KIT: variants seen among roughly 807,000 people sequenced by gnomAD.
The protein encoded by KIT is mast/stem cell growth factor receptor Kit.
In KIT, 16 loss-of-function variants were observed where a neutral mutation model predicts 105.7. The ratio of observed to expected loss-of-function variants is 0.15; its 90% CI spans 0.10 to 0.23. The LOEUF (loss-of-function observed/expected upper bound fraction) is 0.23, where lower values mean the gene tolerates loss of function less well. Ranked by LOEUF, KIT falls within the 10% of genes least tolerant of loss-of-function variation. KIT has a pLI of 1.00. For synonymous variants in KIT, 438 were observed against 441.1 expected (o/e 0.99, Z 0.09); for missense variants, 858 against 1,213.8 (o/e 0.71, Z 4.36).
In KIT at chr4:54,699,686, G is replaced by A; in HGVS notation, c.676G>A (p.Gly226Arg). Residue 226 changes from glycine to arginine, a missense_variant, in exon 4 of 21, where the codon GGG (glycine) becomes AGG (arginine). Gly to Arg is a moderately radical substitution (Grantham distance 125). Coordinates refer to ENST00000288135, the MANE Select transcript of KIT (RefSeq NM_000222.3). ...CAAAGCAAGCTATCTTCTTAGGGAAGGGGAAGAATTCACAGTGACGTGCAC... is the reference window on the plus strand; with the variant it reads ...CAAAGCAAGCTATCTTCTTAGGGAAAGGGAAGAATTCACAGTGACGTGCAC... ...VSKASYLLRE[G>R]EEFTVTCTIK... is the part of the protein sequence containing the mutation. 1 of 1,613,934 alleles carries A rather than the reference G, an allele frequency of 6.2e-7. No individual in the cohort carries two copies. Among genetic ancestry groups the A allele is most frequent in the Non-Finnish European group, 8.5e-7 (1 of 1,179,876 alleles).
Position 54,695,473 on chromosome 4 carries a change from A to G in KIT, c.68-39A>G, listed in dbSNP as rs377280220. On this transcript the variant is annotated intron_variant, in intron 1 of 20. Transcript: ENST00000288135. Reference sequence around the variant, plus strand: ...AAGAAGTGCTTTATTTCGCCAAGGAAGAAGATCATACTCAACACGATTCTG... The same window carrying G: ...AAGAAGTGCTTTATTTCGCCAAGGAGGAAGATCATACTCAACACGATTCTG... 1.1e-4 allele frequency: 182 copies of G among 1,612,226 alleles called. No homozygotes were observed. In the African/African-American group the frequency reaches 1.9e-3, roughly 17 times the overall value.
intron 15 of KIT, 138 bp downstream of exon 15, chr4:54,731,557 T>C: frequency 5.3e-6 from 4 of 758,692 alleles, no homozygotes; most frequent in Non-Finnish European, 7.0e-6. Context: ...CAATGGTCAA[T>C]GGCAGTTAGG....
rs1167415765 is a variant in KIT at position 54,720,315 on chromosome 4, T to C, written c.1232-3269T>C. Among the ~76,000 whole-genome samples, 7 of 152,276 alleles carry C rather than the reference T, an allele frequency of 4.6e-5. No homozygotes were observed. In the East Asian group the frequency reaches 7.7e-4, roughly 17 times the overall value. Reference sequence around the variant, plus strand: ...CAAAAGCTGCTCAATTAGCCTCAGGTTATGACCCACCTGGGATAGAAACTT... The same window carrying C: ...CAAAAGCTGCTCAATTAGCCTCAGGCTATGACCCACCTGGGATAGAAACTT... On this transcript the variant is annotated intron_variant, in intron 7 of 20. Transcript: ENST00000288135.
In KIT at chr4:54,739,445, T is replaced by C. The variant is rs188598702; in HGVS notation, c.*888T>C. 748 of 233,396 alleles carry C rather than the reference T, an allele frequency of 3.2e-3. 2 individuals carry two copies. Among genetic ancestry groups the C allele is most frequent in the Admixed American group, 6.5e-3 (116 of 17,782 alleles). The allele number at this position is 233,396 out of a possible 1,614,324, so 14.5% of individuals were successfully genotyped here. On this transcript the variant is annotated 3_prime_UTR_variant, in exon 21 of 21. Transcript: ENST00000288135. Reference sequence around the variant, plus strand: ...TCTCCTCTTTTAGCTGATGAACTTATTCTGTAGATTCTGTGGAACAAGCCT... The same window carrying C: ...TCTCCTCTTTTAGCTGATGAACTTACTCTGTAGATTCTGTGGAACAAGCCT...
chr4:54,732,922 T>G (rs1378923056), intron 16 of KIT, 148 bp from the exon 17 acceptor site: 1 of 629,974 alleles, frequency 1.6e-6, no homozygotes, highest in Non-Finnish European at 2.7e-6. Flanking sequence ...GTACTTTTGA[T>G]TTTTATTTTT....
chr4:54,673,330 T>TA (rs1171571943), intron 1 of KIT, among the ~76,000 whole-genome samples: 1 of 152,228 alleles, frequency 6.6e-6, no homozygotes, highest in Non-Finnish European at 1.5e-5. Flanking sequence ...CAAATCCTTT[T>TA]AACCGCGTCA....
chr4:54,701,931 G>A (rs1226191375), intron 4 of KIT, among the ~76,000 whole-genome samples: 2 of 152,162 alleles, frequency 1.3e-5, no homozygotes, highest in Admixed American at 6.5e-5. Context: ...GAAGGGGGTA[G>A]TAGGAAATCT....
At chr4:54,684,491 A>C (rs1719172301) in intron 1 of KIT, among the ~76,000 whole-genome samples, 1 of 151,974 alleles carries the variant, frequency 6.6e-6, no homozygotes, top group South Asian at 2.1e-4. Context: ...CCCTCCCCTC[A>C]GTTCCTTCTT....
At chr4:54,725,166 G>A (rs575510467) in intron 8 of KIT, among the ~76,000 whole-genome samples, 1 of 152,242 alleles carries the variant, frequency 6.6e-6, no homozygotes, top group Non-Finnish European at 1.5e-5. Flanking sequence ...GTGCAATGGA[G>A]TGATCTTGGC....
At chr4:54,713,431 T>A (rs978648580) in intron 7 of KIT, among the ~76,000 whole-genome samples, 1 of 152,170 alleles carries the variant, frequency 6.6e-6, no homozygotes, top group Non-Finnish European at 1.5e-5. Context: ...TTTGACATCA[T>A]TTTAGCTGAG....
chr4:54,710,200 C>T (rs1348644820), intron 7 of KIT, among the ~76,000 whole-genome samples: 3 of 152,166 alleles, frequency 2.0e-5, no homozygotes, highest in Non-Finnish European at 4.4e-5. Context: ...CAAGGGAGCC[C>T]GATCATGAGC....
intron 1 of KIT, among the ~76,000 whole-genome samples, chr4:54,658,499 G>T (rs530256148): frequency 6.6e-6 from 1 of 152,158 alleles, no homozygotes; most frequent in South Asian, 2.1e-4. Context: ...AAAGTTGCGT[G>T]TGTGTGACCG....
Position 54,698,337 on chromosome 4 carries a change from G to C in KIT, c.391G>C (p.Asp131His), listed in dbSNP as rs1044091916. The stretch of plus-strand genomic sequence containing the variant: ...CTCCTTGTATGGGAAAGAAGACAAC[G>C]ACACGCTGGTCCGCTGTCCTCTCAC... ...DRSLYGKEDN[D>H]TLVRCPLTDP... The change falls in exon 3 of 21, where the codon GAC (aspartate) becomes CAC (histidine). Residue 131 changes from aspartate (D) to histidine (H), a missense_variant. Coordinates refer to ENST00000288135, the MANE Select transcript of KIT (RefSeq NM_000222.3). The C allele has an allele frequency of 6.2e-7, 1 of 1,614,056 alleles. No individual in the cohort carries two copies. Among genetic ancestry groups the C allele is most frequent in the Non-Finnish European group, 8.5e-7 (1 of 1,179,986 alleles).
intron 20 of KIT, among the ~76,000 whole-genome samples, chr4:54,737,914 C>T (rs915398058): frequency 6.6e-6 from 1 of 152,150 alleles, no homozygotes; most frequent in Non-Finnish European, 1.5e-5. Flanking sequence ...CTTTCCTGGG[C>T]TGTGTGCTTG....
chr4:54,737,429 G>A lies in KIT; in HGVS notation c.2802+149G>A, dbSNP rs1208478392. On this transcript the variant is annotated intron_variant, in intron 20 of 20. Coordinates refer to ENST00000288135, the MANE Select transcript of KIT (RefSeq NM_000222.3). ...TTGGGCTTCAGGTAGGGGAAGTAAA[G>A]CAATGGAAACTAGTTCTTTCTGCCC... is the stretch of plus-strand genomic sequence containing the variant. The A allele has an allele frequency of 1.7e-5, 12 of 705,170 alleles. 1 individual carries two copies. Among genetic ancestry groups the A allele is most frequent in the Non-Finnish European group, 3.1e-5 (12 of 385,042 alleles). 43.7% of individuals were successfully genotyped at this position (705,170 alleles called of 1,614,324 possible).
At position 54,727,813 on chromosome 4, in the gene KIT, C is replaced by T. The variant is rs1577995739; in HGVS notation, c.1775-10C>T. On this transcript the variant is annotated splice_polypyrimidine_tract_variant and intron_variant, in intron 11 of 20. Transcript: ENST00000288135. ...CATCACCACTTACCTTGTTGTCTTC[C>T]TTCCTACAGGGAAAACCCTGGGTGC... The T allele has an allele frequency of 6.2e-7, 1 of 1,609,450 alleles. No individual in the cohort carries two copies. The highest frequency in any genetic ancestry group is 1.3e-5 in the African/African-American group (1 of 74,808).
intron 1 of KIT, among the ~76,000 whole-genome samples, chr4:54,673,816 CATTTT>C (rs71202468): frequency 6.6e-6 from 1 of 152,048 alleles, no homozygotes; most frequent in African/African-American, 2.4e-5. Context: ...TAGTTGTTTT[CATTTT>C]ATTTTATTTT....
In KIT at chr4:54,738,941, AG is replaced by A. The variant is rs1723087948; in HGVS notation, c.*385del. Reference sequence around the variant, plus strand: ...ACAGTTGGCCTTCAGAACCATCCATAGTAGTATGATGATACAAGATTAGAAG... The same window carrying A: ...ACAGTTGGCCTTCAGAACCATCCATATAGTATGATGATACAAGATTAGAAG... On this transcript the variant is annotated 3_prime_UTR_variant, in exon 21 of 21. Coordinates refer to ENST00000288135, the MANE Select transcript of KIT (RefSeq NM_000222.3). The A allele has an allele frequency of 1.8e-6, 1 of 555,904 alleles. No homozygotes were observed. Among genetic ancestry groups the A allele is most frequent in the African/African-American group, 1.9e-5 (1 of 53,338 alleles). 34.4% of individuals were successfully genotyped at this position (555,904 alleles called of 1,614,324 possible). A position where few individuals can be genotyped will look rare whatever the true frequency, so the allele number is the denominator to read the frequency against.
chr4:54,683,550 A>G (rs1719098537), intron 1 of KIT, among the ~76,000 whole-genome samples: 1 of 152,226 alleles, frequency 6.6e-6, no homozygotes, highest in Non-Finnish European at 1.5e-5. Flanking sequence ...GCATTTATAC[A>G]TTTCATCTAA....
Sources: allele counts gnomAD v4.1 joint callset (sites outside exome capture counted in the v4.1 genomes callset), GRCh38; gene constraint gnomAD v4.1.1; transcripts MANE v1.5; gene names NCBI Gene and HGNC (gene_info 2026-07-23, HGNC 2026-07-21).